Variants in FSTL4 observed in about 807,000 individuals in gnomAD.
FSTL4 encodes follistatin-related protein 4.
A neutral mutation model predicts 78.2 loss-of-function variants in FSTL4; 28 were observed. The observed-to-expected ratio is 0.36, with a 90% CI of 0.27 to 0.49. FSTL4 has a LOEUF of 0.49. Ranked by LOEUF, FSTL4 falls within the 20% of genes least tolerant of loss-of-function variation. The pLI, the probability that FSTL4 is intolerant of heterozygous loss-of-function variation, is 0.98. For synonymous variants in FSTL4, 422 were observed against 440.5 expected, an observed-to-expected ratio of 0.96 and a Z score of 0.53; for missense variants, 922 against 1,084.9, an observed-to-expected ratio of 0.85 and a Z score of 2.11.
chr5:133,559,502 G>A (rs542907123), intron 3 of FSTL4, among the ~76,000 whole-genome samples: 36 of 152,306 alleles, frequency 2.4e-4, no homozygotes, highest in African/African-American at 7.0e-4. Context: ...CAGGATCAGC[G>A]TGCTTCAGGC....
intron 4 of FSTL4, among the ~76,000 whole-genome samples, chr5:133,318,810 G>T (rs1250269435): frequency 6.6e-6 from 1 of 152,242 alleles, no homozygotes; most frequent in Non-Finnish European, 1.5e-5. Flanking sequence ...CCTTCCTCCT[G>T]GACCTTGGTG....
chr5:133,394,519 G>T (rs992125700), intron 4 of FSTL4, among the ~76,000 whole-genome samples: 1 of 152,236 alleles, frequency 6.6e-6, no homozygotes, highest in Non-Finnish European at 1.5e-5. Context: ...CGGAGGGTGC[G>T]CCAGGTCCCC....
intron 3 of FSTL4, chr5:133,427,506 G>A (rs1053350724): frequency 7.7e-5 from 33 of 429,478 alleles, no homozygotes; most frequent in African/African-American, 4.7e-4. Flanking sequence ...TGTGTGTTGC[G>A]GGGGTGGGAG....
At chr5:133,350,662 G>A (rs866380251) in intron 4 of FSTL4, among the ~76,000 whole-genome samples, 13 of 152,186 alleles carry the variant, frequency 8.5e-5, no homozygotes, top group East Asian at 3.8e-4. Flanking sequence ...ATACAGAGGC[G>A]GGTGATCCAG....
intron 4 of FSTL4, among the ~76,000 whole-genome samples, chr5:133,352,612 G>A (rs886191164): frequency 6.6e-6 from 1 of 152,014 alleles, no homozygotes; most frequent in Non-Finnish European, 1.5e-5. Flanking sequence ...ATTTTACCAT[G>A]TTGCCCAGGC....
At chr5:133,684,693 C>T in the FSTL4 span, among the ~76,000 whole-genome samples, 8 of 152,100 alleles carry the variant, frequency 5.3e-5, no homozygotes, top group Non-Finnish European at 1.2e-4. Flanking sequence ...CCAGGGGACT[C>T]GAAGCATTTC....
At chr5:133,374,066 T>C (rs1233813672) in intron 4 of FSTL4, among the ~76,000 whole-genome samples, 1 of 152,180 alleles carries the variant, frequency 6.6e-6, no homozygotes, top group Admixed American at 6.5e-5. Context: ...CCCACATTAA[T>C]CTAGCTAGCC....
chr5:133,708,636 G>C, the FSTL4 span, among the ~76,000 whole-genome samples: 3 of 152,292 alleles, frequency 2.0e-5, no homozygotes, highest in South Asian at 6.2e-4. Context: ...CACAACCCCG[G>C]CCATGTGTTC....
At chr5:133,715,809 ACT>A in the FSTL4 span, among the ~76,000 whole-genome samples, 1 of 151,566 alleles carries the variant, frequency 6.6e-6, no homozygotes, top group Non-Finnish European at 1.5e-5. Flanking sequence ...TAGGAAGGAG[ACT>A]CTCATGCAGC....
chr5:133,622,151 A>G, the FSTL4 span, among the ~76,000 whole-genome samples: 1 of 152,076 alleles, frequency 6.6e-6, no homozygotes, highest in East Asian at 1.9e-4. Context: ...ATCATACAAC[A>G]TGTAACCTTT....
chr5:133,513,474 T>C (rs370368945), intron 3 of FSTL4, among the ~76,000 whole-genome samples: 1 of 152,192 alleles, frequency 6.6e-6, no homozygotes, highest in Non-Finnish European at 1.5e-5. Context: ...CAGTGTGTCC[T>C]GTGCCCATCC....
At chr5:133,403,650 C>G (rs1310274250) in intron 3 of FSTL4, among the ~76,000 whole-genome samples, 1 of 152,104 alleles carries the variant, frequency 6.6e-6, no homozygotes, top group South Asian at 2.1e-4. Context: ...CTTGCCTTCT[C>G]CAAAGTGGGC....
At chr5:133,529,867 G>GTT (rs747054667) in intron 3 of FSTL4, among the ~76,000 whole-genome samples, 4 of 144,018 alleles carry the variant, frequency 2.8e-5, no homozygotes, top group African/African-American at 7.6e-5. Context: ...AATGTTTCGG[G>GTT]TTTTTTTTTT....
At chr5:133,822,578 G>A in the FSTL4 span, among the ~76,000 whole-genome samples, 1 of 152,132 alleles carries the variant, frequency 6.6e-6, no homozygotes, top group African/African-American at 2.4e-5. Context: ...TGAGGGTGGA[G>A]CCGTGGGAAA....
intron 3 of FSTL4, among the ~76,000 whole-genome samples, chr5:133,520,435 G>A (rs1580762683): frequency 6.6e-6 from 1 of 152,252 alleles, no homozygotes; most frequent in East Asian, 1.9e-4. Context: ...GCGTTGGGGT[G>A]GGGGTGGGAG....
chr5:133,413,780 C>T (rs1170579650), intron 3 of FSTL4, among the ~76,000 whole-genome samples: 2 of 152,122 alleles, frequency 1.3e-5, no homozygotes, highest in African/African-American at 4.8e-5. Flanking sequence ...CGTCTTCCAG[C>T]TCTTAAATTA....
chr5:133,582,120 C>A (rs1018801929), intron 2 of FSTL4, among the ~76,000 whole-genome samples: 1 of 152,196 alleles, frequency 6.6e-6, no homozygotes, highest in African/African-American at 2.4e-5. Context: ...GGCAGGCCCA[C>A]ACTCGCCTTC....
At chr5:133,605,970 C>G (rs749892455) in intron 1 of FSTL4, among the ~76,000 whole-genome samples, 1 of 152,134 alleles carries the variant, frequency 6.6e-6, no homozygotes. Context: ...CTGCGGCAGT[C>G]ACGGCACTCC....
At chr5:133,560,625 A>G (rs1050092352) in intron 3 of FSTL4, among the ~76,000 whole-genome samples, 4 of 151,890 alleles carry the variant, frequency 2.6e-5, no homozygotes, top group African/African-American at 4.8e-5. Context: ...CGGCCTCCCA[A>G]AGTGCTGGGA....
Sources: gnomAD v4.1 joint callset for allele counts (sites outside exome capture counted in the v4.1 genomes callset) on GRCh38, gnomAD v4.1.1 for gene constraint, MANE v1.5 for transcripts, NCBI Gene and HGNC (gene_info 2026-07-23, HGNC 2026-07-21) for gene names.